Variants in PCDH15 observed in about 807,000 individuals in gnomAD.
PCDH15 encodes protocadherin related 15.
PCDH15 carries 129 observed loss-of-function variants against 178.5 expected under a neutral mutation model. The observed-to-expected ratio is 0.72, with a 90% confidence interval of 0.63 to 0.84. The LOEUF (loss-of-function observed/expected upper bound fraction) is 0.84, where lower values mean the gene tolerates loss of function less well. Ranked by LOEUF, PCDH15 falls within the 40% of genes least tolerant of loss-of-function variation. The pLI, the probability that PCDH15 is intolerant of heterozygous loss-of-function variation, is 0.00. For missense variants in PCDH15, 2,230 were observed against 2,099.9 expected, an observed-to-expected ratio of 1.06 and a Z score of -1.21; for synonymous variants, 800 against 732.0, an observed-to-expected ratio of 1.09 and a Z score of -1.50.
chr10:55,269,342 C>T (rs973045502), intron 1 of PCDH15, among the ~76,000 whole-genome samples: 3 of 152,124 alleles, frequency 2.0e-5, no homozygotes, highest in South Asian at 2.1e-4. Flanking sequence ...GTCAAACTAA[C>T]TCTCTTCACT....
chr10:55,275,466 T>C (rs1842566083), intron 1 of PCDH15, among the ~76,000 whole-genome samples: 1 of 151,998 alleles, frequency 6.6e-6, no homozygotes, highest in Non-Finnish European at 1.5e-5. Context: ...CTATGGGTTT[T>C]GTTTTTTCCA....
chr10:53,982,270 C>G (rs1429273495), intron 21 of PCDH15, among the ~76,000 whole-genome samples: 5 of 152,136 alleles, frequency 3.3e-5, no homozygotes, highest in Non-Finnish European at 7.3e-5. Flanking sequence ...GGCGATTCCT[C>G]AGGGATCTAG....
At chr10:53,976,549 C>T (rs1009685139) in intron 21 of PCDH15, among the ~76,000 whole-genome samples, 1 of 152,104 alleles carries the variant, frequency 6.6e-6, no homozygotes, top group Non-Finnish European at 1.5e-5. Context: ...ATGACACAAA[C>T]TCCTCTGCAT....
intron 2 of PCDH15, among the ~76,000 whole-genome samples, chr10:54,615,196 G>A (rs2093094589): frequency 6.6e-6 from 1 of 151,992 alleles, no homozygotes; most frequent in Admixed American, 6.6e-5. Context: ...TAAATAAGTG[G>A]TAAAGCGATA....
intron 2 of PCDH15, among the ~76,000 whole-genome samples, chr10:55,401,837 T>C (rs1003033594): frequency 2.6e-5 from 4 of 152,070 alleles, no homozygotes; most frequent in East Asian, 1.9e-4. Context: ...CTAGGAATGA[T>C]GGAAATTAAG....
intron 18 of PCDH15, among the ~76,000 whole-genome samples, chr10:54,034,144 A>G (rs568409443): frequency 4.9e-4 from 75 of 152,130 alleles, no homozygotes; most frequent in Non-Finnish European, 8.2e-4. Flanking sequence ...TGTAAGTAAA[A>G]CAAGAGCAAT....
chr10:54,908,841 T>G (rs1323733352), intron 2 of PCDH15, among the ~76,000 whole-genome samples: 1 of 151,738 alleles, frequency 6.6e-6, no homozygotes, highest in African/African-American at 2.4e-5. Context: ...GTCATCCCAA[T>G]ATGTGTTCAG....
At chr10:55,503,639 T>C (rs867479449) in intron 2 of PCDH15, among the ~76,000 whole-genome samples, 1 of 151,180 alleles carries the variant, frequency 6.6e-6, no homozygotes, top group Admixed American at 6.6e-5. Context: ...TATAATGACC[T>C]CCCAAAAAGA....
chr10:55,594,342 A>T (rs1427478115), intron 2 of PCDH15, among the ~76,000 whole-genome samples: 2 of 152,008 alleles, frequency 1.3e-5, no homozygotes, highest in Non-Finnish European at 2.9e-5. Flanking sequence ...GCAAATAAAT[A>T]AGAACTCAAA....
At chr10:54,230,989 C>T (rs2053998488) in intron 9 of PCDH15, among the ~76,000 whole-genome samples, 1 of 152,162 alleles carries the variant, frequency 6.6e-6, no homozygotes, top group South Asian at 2.1e-4. Flanking sequence ...AGTGCTGCAA[C>T]AGAGCTTGAT....
At chr10:55,290,221 T>C (rs989073801) in intron 1 of PCDH15, among the ~76,000 whole-genome samples, 2 of 151,900 alleles carry the variant, frequency 1.3e-5, no homozygotes, top group Non-Finnish European at 2.9e-5. Context: ...AGGAGATGGG[T>C]TGAAGTCCTA....
In PCDH15 at chr10:54,239,414, A is replaced by AATAT. The variant is rs67769627; in HGVS notation, c.877-2487_877-2484dup. 4.9e-3 allele frequency among the ~76,000 whole-genome samples: 671 copies of AATAT among 138,196 alleles called. 5 individuals are homozygous for AATAT. The highest frequency in any genetic ancestry group is 0.02 in the African/African-American group (644 of 32,710). 90.7% of individuals were successfully genotyped at this position (138,196 alleles called of 152,430 possible). ...CATCTTACACATTTGCCTGTGATTAAATATATATATATATATATAGAGTAA... is the reference window on the plus strand; with the variant it reads ...CATCTTACACATTTGCCTGTGATTAAATATATATATATATATATATATAGAGTAA... On this transcript the variant is annotated intron_variant, in intron 8 of 37. Coordinates refer to ENST00000644397, the MANE Select transcript of PCDH15 (RefSeq NM_001384140.1).
chr10:53,808,952 C>A, intron 37 of PCDH15: 1 of 1,558,700 alleles, frequency 6.4e-7, no homozygotes, highest in Non-Finnish European at 8.7e-7. Flanking sequence ...GGTCCACTTT[C>A]TTCTTCTTCT....
rs150280412 is a variant in PCDH15 at position 54,864,934 on chromosome 10, A to T, written c.-29+32516T>A. On this transcript the variant is annotated intron_variant, in intron 3 of 5. Coordinates refer to the PCDH15 transcript ENST00000458638. ...ATAAGTTTAGCTCATATCCAAAGAG[A>T]GGTAATTAAAGAAGGATGTGAATAC... 1.6e-4 allele frequency: 24 copies of T among 152,278 alleles called. No homozygotes were observed. The East Asian group carries it at 4.6e-3, about 29-fold the overall frequency. 9.4% of individuals were successfully genotyped at this position (152,278 alleles called of 1,614,324 possible). A position where few individuals can be genotyped will look rare whatever the true frequency, so the allele number is the denominator to read the frequency against.
At chr10:54,309,209 G>A (rs1318684834) in intron 8 of PCDH15, among the ~76,000 whole-genome samples, 1 of 151,782 alleles carries the variant, frequency 6.6e-6, no homozygotes, top group East Asian at 1.9e-4. Flanking sequence ...GACTTTCTAT[G>A]GCAAATGGGA....
At chr10:54,646,116 G>A (rs1033611389) in intron 2 of PCDH15, among the ~76,000 whole-genome samples, 1 of 151,938 alleles carries the variant, frequency 6.6e-6, no homozygotes, top group Non-Finnish European at 1.5e-5. Flanking sequence ...TTGTTTATAT[G>A]AAACTATAAG....
intron 4 of PCDH15, among the ~76,000 whole-genome samples, chr10:54,371,880 C>A (rs1947728123): frequency 6.6e-6 from 1 of 151,542 alleles, no homozygotes; most frequent in Non-Finnish European, 1.5e-5. Context: ...AAAGAAAAAT[C>A]AGGAGGAAAA....
Position 54,850,903 on chromosome 10 carries a change from G to A in PCDH15, c.-29+46547C>T, listed in dbSNP as rs114602891. On this transcript the variant is annotated intron_variant, in intron 3 of 5. Coordinates refer to the PCDH15 transcript ENST00000458638. The stretch of plus-strand genomic sequence containing the variant: ...CACTAAAATGTTGATTTCTAACAAG[G>A]AGCAATTGGAATATATCAATGTGGC... Among the ~76,000 whole-genome samples, 768 of 152,186 alleles carry A rather than the reference G, an allele frequency of 5.0e-3. 9 individuals carry two copies. Among genetic ancestry groups the A allele is most frequent in the Middle Eastern group, 0.017 (5 of 292 alleles).
At chr10:55,601,890 G>C (rs1340980627) in intron 2 of PCDH15, among the ~76,000 whole-genome samples, 1 of 152,102 alleles carries the variant, frequency 6.6e-6, no homozygotes, top group Non-Finnish European at 1.5e-5. Flanking sequence ...GAGGAGCCAA[G>C]ATGGCCAAAT....
Sources: allele counts gnomAD v4.1 joint callset (sites outside exome capture counted in the v4.1 genomes callset), GRCh38; gene constraint gnomAD v4.1.1; transcripts MANE v1.5; gene names NCBI Gene and HGNC (gene_info 2026-07-23, HGNC 2026-07-21).